The following HIPK2 variants were observed in gnomAD, a reference collection of about 807,000 sequenced individuals.
The protein encoded by HIPK2 is homeodomain-interacting protein kinase 2.
A neutral mutation model predicts 113.7 loss-of-function variants in HIPK2; 27 were observed. The ratio of observed to expected loss-of-function variants is 0.24; its 90% CI spans 0.17 to 0.33. The LOEUF is 0.33. Among genes scored for constraint, HIPK2 ranks in the 10% least tolerant of loss-of-function variants. The pLI, the probability that HIPK2 is intolerant of heterozygous loss-of-function variation, is 1.00. For missense variants in HIPK2, 1,257 were observed against 1,588.0 expected (o/e 0.79, Z 3.54); for synonymous variants, 631 against 642.2 (o/e 0.98, Z 0.26).
chr7:139,665,398 T>A (rs529281845), intron 2 of HIPK2, among the ~76,000 whole-genome samples: 18 of 152,344 alleles, frequency 1.2e-4, no homozygotes, highest in Middle Eastern at 6.8e-3. Context: ...TCTTCTTTTT[T>A]ATCTCACATT....
chr7:139,585,552 G>C (rs922374647), intron 12 of HIPK2, among the ~76,000 whole-genome samples: 2 of 152,226 alleles, frequency 1.3e-5, no homozygotes, highest in African/African-American at 4.8e-5. Context: ...ACTTCGGCAT[G>C]TGCTGGTGAC....
intron 6 of HIPK2, among the ~76,000 whole-genome samples, chr7:139,622,820 C>T (rs2116848963): frequency 1.3e-5 from 2 of 152,342 alleles, no homozygotes; most frequent in Middle Eastern, 6.8e-3. Context: ...AGGCTAATTT[C>T]TGAGTTCTGA....
chr7:139,690,562 T>C (rs1015313596), intron 2 of HIPK2, among the ~76,000 whole-genome samples: 2 of 151,940 alleles, frequency 1.3e-5, no homozygotes, highest in Non-Finnish European at 2.9e-5. Context: ...CCCCAGCACT[T>C]TGGGGTGGGG....
chr7:139,614,551 G>GCC, intron 7 of HIPK2, 58 bp from the exon 8 acceptor site: 325 of 825,456 alleles, frequency 3.9e-4, no homozygotes, highest in Non-Finnish European at 5.0e-4. Flanking sequence ...GAGGGAGGTG[G>GCC]CATGTTGGGA....
intron 2 of HIPK2, among the ~76,000 whole-genome samples, chr7:139,650,331 C>G (rs1251485248): frequency 8.9e-6 from 1 of 112,546 alleles, no homozygotes; most frequent in Non-Finnish European, 1.7e-5. Context: ...GCCTGGGCGA[C>G]AGAGCAAGAC....
intron 2 of HIPK2, among the ~76,000 whole-genome samples, chr7:139,686,973 A>G (rs1290512988): frequency 6.6e-6 from 1 of 152,254 alleles, no homozygotes; most frequent in African/African-American, 2.4e-5. Flanking sequence ...CCCAACCTTT[A>G]GCATCCACCA....
chr7:139,715,033 T>C (rs1795181139), intron 2 of HIPK2, among the ~76,000 whole-genome samples: 2 of 152,106 alleles, frequency 1.3e-5, no homozygotes, highest in South Asian at 4.1e-4. Context: ...CTTTCCTGAC[T>C]CCAAAGCCAG....
rs181633380 is a variant in HIPK2 at position 139,638,800 on chromosome 7, G to C, written c.1104-7075C>G. ...AGCCTCCTGAGTAGTTGGGACTACA[G>C]GCGCCCACCACCATGCCCGGCTAAT... On this transcript the variant is annotated intron_variant, in intron 2 of 14. Coordinates refer to ENST00000406875, the MANE Select transcript of HIPK2 (RefSeq NM_022740.5). 3.9e-3 allele frequency among the ~76,000 whole-genome samples: 597 copies of C among 152,024 alleles called. 5 individuals carry two copies. Among genetic ancestry groups the C allele is most frequent in the African/African-American group, 0.014 (586 of 41,442 alleles).
intron 2 of HIPK2, among the ~76,000 whole-genome samples, chr7:139,711,792 T>C (rs927831248): frequency 6.6e-6 from 1 of 151,734 alleles, no homozygotes; most frequent in Non-Finnish European, 1.5e-5. Context: ...CTGGCATCAA[T>C]GTAGAATTAA....
At chr7:139,610,118 C>T (rs1194947577) in intron 9 of HIPK2, among the ~76,000 whole-genome samples, 1 of 152,232 alleles carries the variant, frequency 6.6e-6, no homozygotes, top group Non-Finnish European at 1.5e-5. Context: ...AAGTTCTCCC[C>T]TGCTACGATT....
At chr7:139,705,985 T>C (rs1334806428) in intron 2 of HIPK2, among the ~76,000 whole-genome samples, 2 of 152,214 alleles carry the variant, frequency 1.3e-5, no homozygotes, top group Non-Finnish European at 2.9e-5. Context: ...GTGAGCAGCA[T>C]GTCCACAGAG....
At chr7:139,759,727 C>T (rs1386493198) in intron 1 of HIPK2, among the ~76,000 whole-genome samples, 1 of 151,934 alleles carries the variant, frequency 6.6e-6, no homozygotes. Flanking sequence ...AAGAACACAC[C>T]CATACACACA....
chr7:139,684,397 T>C (rs1794154904), intron 2 of HIPK2, among the ~76,000 whole-genome samples: 1 of 152,182 alleles, frequency 6.6e-6, no homozygotes, highest in Admixed American at 6.5e-5. Context: ...TAGTAATGAT[T>C]GAGCTTAGTG....
intron 1 of HIPK2, among the ~76,000 whole-genome samples, chr7:139,728,761 T>C (rs1795669018): frequency 6.6e-6 from 1 of 152,204 alleles, no homozygotes; most frequent in East Asian, 1.9e-4. Context: ...TTTTCTCAGG[T>C]TAAATAATTA....
At chr7:139,604,041 C>G (rs1201847418) in intron 10 of HIPK2, 40 bp downstream of exon 10, 2 of 1,612,870 alleles carry the variant, frequency 1.2e-6, no homozygotes, top group Admixed American at 3.3e-5. Context: ...GCCTCCCATC[C>G]CAGACACACC....
At chr7:139,654,921 T>C (rs1189437544) in intron 2 of HIPK2, among the ~76,000 whole-genome samples, 1 of 152,058 alleles carries the variant, frequency 6.6e-6, no homozygotes, top group Non-Finnish European at 1.5e-5. Flanking sequence ...TTCCTGCGAG[T>C]GGGAGGTTGA....
chr7:139,583,970 C>T lies in HIPK2; in HGVS notation c.2812G>A (p.Val938Met), dbSNP rs371916573. Residue 938 changes from valine (V) to methionine (M), a missense_variant, in exon 13 of 15, where the codon GTG becomes ATG. Val to Met is a conservative substitution (Grantham distance 21, BLOSUM62 1). This residue lies in a region of HIPK2 where 862 missense variants were observed against 1,004.3 expected (regional missense o/e 0.86). Transcript: ENST00000406875. ...TTGTTGTGCCCAGCACGCTGCTGCA[C>T]GGAGTAGGGGCTGGTGTTGCTGGAG... ...DSSSNTSPYSVQQRAGHNNAN... is the reference protein window; with the variant it reads ...DSSSNTSPYSMQQRAGHNNAN... 2.2e-5 allele frequency: 36 copies of T among 1,613,888 alleles called. No individual in the cohort carries two copies. The highest frequency in any genetic ancestry group is 1.3e-4 in the East Asian group (6 of 44,898).
intron 1 of HIPK2, among the ~76,000 whole-genome samples, chr7:139,724,329 A>G (rs926014461): frequency 1.3e-5 from 2 of 152,194 alleles, no homozygotes; most frequent in Admixed American, 6.5e-5. Context: ...TTAAGTTTAT[A>G]TTTCACAAGG....
At chr7:139,742,057 C>T (rs1321650849) in intron 1 of HIPK2, among the ~76,000 whole-genome samples, 1 of 152,194 alleles carries the variant, frequency 6.6e-6, no homozygotes, top group African/African-American at 2.4e-5. Flanking sequence ...AAACACATGT[C>T]AGTATGACCC....
Sources: allele counts gnomAD v4.1 joint callset (sites outside exome capture counted in the v4.1 genomes callset), GRCh38; gene constraint gnomAD v4.1.1; regional missense constraint gnomAD v4.1.1; transcripts MANE v1.5; gene names NCBI Gene and HGNC (gene_info 2026-07-23, HGNC 2026-07-21).